Variants in SIPA1L1 observed in about 807,000 individuals in gnomAD.
SIPA1L1 encodes signal induced proliferation associated 1 like 1.
A neutral mutation model predicts 162.7 loss-of-function variants in SIPA1L1; 26 were observed. The ratio of observed to expected loss-of-function variants is 0.16; its 90% CI spans 0.12 to 0.22. The LOEUF (loss-of-function observed/expected upper bound fraction) is 0.22. SIPA1L1 is among the 10% of genes least tolerant of loss of function. SIPA1L1 has a pLI of 1.00. For synonymous variants in SIPA1L1, 829 were observed against 837.4 expected (o/e 0.99, Z 0.17); for missense variants, 1,874 against 2,241.0 (o/e 0.84, Z 3.31).
At chr14:71,497,917 C>T (rs1006333256) in intron 2 of SIPA1L1, 3 of 152,234 alleles carry the variant, frequency 2.0e-5, no homozygotes, top group African/African-American at 4.8e-5. Flanking sequence ...AACTGCCAAA[C>T]CACTTTCACG....
intron 7 of SIPA1L1, among the ~76,000 whole-genome samples, chr14:71,641,155 T>TA (rs1206825273): frequency 6.6e-6 from 1 of 151,954 alleles, no homozygotes. Context: ...GAAGAGAAGA[T>TA]ATTTATGCAT....
chr14:71,338,020 A>C (rs970648250), intron 2 of SIPA1L1, among the ~76,000 whole-genome samples: 1 of 152,162 alleles, frequency 6.6e-6, no homozygotes, highest in African/African-American at 2.4e-5. Context: ...CCTTCCCTGC[A>C]TATGGTACTC....
chr14:71,378,067 T>G (rs1056753588), intron 2 of SIPA1L1, among the ~76,000 whole-genome samples: 4 of 151,998 alleles, frequency 2.6e-5, no homozygotes, highest in African/African-American at 9.7e-5. Flanking sequence ...GTTTTTTGGT[T>G]TTGTATTTCC....
chr14:71,643,206 C>T (rs916254973), intron 7 of SIPA1L1, among the ~76,000 whole-genome samples: 2 of 152,034 alleles, frequency 1.3e-5, no homozygotes, highest in South Asian at 2.1e-4. Flanking sequence ...GTTTCAAACC[C>T]GTGATACAGA....
chr14:71,717,698 A>T (rs1439334714), intron 17 of SIPA1L1, among the ~76,000 whole-genome samples: 1 of 152,218 alleles, frequency 6.6e-6, no homozygotes, highest in South Asian at 2.1e-4. Context: ...AGAGATTCTT[A>T]GGTGAAGTGT....
chr14:71,633,024 T>G (rs1421822986), intron 7 of SIPA1L1, among the ~76,000 whole-genome samples: 3 of 152,120 alleles, frequency 2.0e-5, no homozygotes, highest in African/African-American at 7.2e-5. Context: ...ATGCCAACAC[T>G]AAGATGACAC....
At chr14:71,661,231 T>C (rs2043480641) in intron 9 of SIPA1L1, 79 bp from the exon 10 acceptor site, 3 of 1,456,284 alleles carry the variant, frequency 2.1e-6, no homozygotes, top group Non-Finnish European at 9.4e-7. Context: ...ATGTTTTAAA[T>C]ACAGCTATAT....
In SIPA1L1 at chr14:71,322,200, ACT is replaced by A. The variant is rs1566883637; in HGVS notation, c.-465+1022_-465+1023del. Among the ~76,000 whole-genome samples the A allele has an allele frequency of 2.0e-5, 3 of 151,868 alleles. No homozygotes were observed. The East Asian group carries it at 5.8e-4, about 29-fold the overall frequency. ...TATAAAGCAAACCTTTCATGTTGAAACTCTGAGTCAGACTCTTAAAGCCATTG... is the reference window on the plus strand; with the variant it reads ...TATAAAGCAAACCTTTCATGTTGAAACTGAGTCAGACTCTTAAAGCCATTG... On this transcript the variant is annotated intron_variant, in intron 2 of 23. Coordinates refer to ENST00000381232, the MANE Select transcript of SIPA1L1 (RefSeq NM_001386936.1).
chr14:71,661,005 G>A (rs2043458632), intron 9 of SIPA1L1, among the ~76,000 whole-genome samples: 1 of 152,298 alleles, frequency 6.6e-6, no homozygotes, highest in South Asian at 2.1e-4. Flanking sequence ...ATGTGAAAAT[G>A]GAACAACACT....
chr14:71,650,651 G>T, intron 8 of SIPA1L1, 142 bp downstream of exon 8: 1 of 732,970 alleles, frequency 1.4e-6, no homozygotes, highest in Non-Finnish European at 2.3e-6. Context: ...AGAGAGGGAG[G>T]ATGTAGCACC....
chr14:71,465,942 T>A (rs2046960997), intron 2 of SIPA1L1, among the ~76,000 whole-genome samples: 1 of 152,192 alleles, frequency 6.6e-6, no homozygotes, highest in African/African-American at 2.4e-5. Flanking sequence ...TTCTTCTGCC[T>A]GCTTATATTC....
At chr14:71,416,699 AC>A (rs950222413) in intron 2 of SIPA1L1, among the ~76,000 whole-genome samples, 8 of 147,014 alleles carry the variant, frequency 5.4e-5, no homozygotes, top group East Asian at 3.9e-4. Context: ...CAATTTCTAT[AC>A]TCTAAAAGAA....
At chr14:71,349,198 A>G (rs890973463) in intron 2 of SIPA1L1, among the ~76,000 whole-genome samples, 2 of 152,224 alleles carry the variant, frequency 1.3e-5, no homozygotes, top group African/African-American at 4.8e-5. Context: ...TGATTGCACA[A>G]AAAGGGAATG....
At chr14:71,572,297 A>G (rs1312005081) in intron 4 of SIPA1L1, among the ~76,000 whole-genome samples, 1 of 152,228 alleles carries the variant, frequency 6.6e-6, no homozygotes, top group Non-Finnish European at 1.5e-5. Flanking sequence ...GTTGGAGGGT[A>G]CAAATATTCG....
chr14:71,373,438 C>G (rs1389143294), intron 2 of SIPA1L1, among the ~76,000 whole-genome samples: 1 of 151,720 alleles, frequency 6.6e-6, no homozygotes, highest in Non-Finnish European at 1.5e-5. Context: ...GCCTGGCCAA[C>G]GTGGTGAAAT....
At chr14:71,447,083 ATT>A (rs112760691) in intron 2 of SIPA1L1, among the ~76,000 whole-genome samples, 2 of 137,114 alleles carry the variant, frequency 1.5e-5, no homozygotes, top group Admixed American at 7.4e-5. Context: ...AGCTAATTAC[ATT>A]TTTTTTTTTT....
intron 2 of SIPA1L1, among the ~76,000 whole-genome samples, chr14:71,378,296 A>G (rs1185611333): frequency 6.6e-6 from 1 of 151,926 alleles, no homozygotes; most frequent in Non-Finnish European, 1.5e-5. Context: ...TTAAGGTGGA[A>G]CCTTAGGTAA....
intron 3 of SIPA1L1, among the ~76,000 whole-genome samples, chr14:71,523,282 A>G (rs1418350569): frequency 6.6e-6 from 1 of 151,864 alleles, no homozygotes; most frequent in Non-Finnish European, 1.5e-5. Context: ...TGGCATAGAG[A>G]GAAAAAGGCC....
At chr14:71,520,854 G>C (rs959749072) in intron 3 of SIPA1L1, among the ~76,000 whole-genome samples, 1 of 152,124 alleles carries the variant, frequency 6.6e-6, no homozygotes, top group South Asian at 2.1e-4. Context: ...CCAGGCTCAG[G>C]TGATCCTCCC....
Sources: allele counts gnomAD v4.1 joint callset (sites outside exome capture counted in the v4.1 genomes callset), GRCh38; gene constraint gnomAD v4.1.1; transcripts MANE v1.5; gene names NCBI Gene and HGNC (gene_info 2026-07-23, HGNC 2026-07-21).